The following LMO1 variants were observed in gnomAD, a reference collection of about 807,000 sequenced individuals.
LMO1 encodes LIM domain only 1, also known as rhombotin-1.
LMO1 carries 10 observed loss-of-function variants against 18.0 expected under a neutral mutation model. That is an observed-to-expected ratio of 0.55 (90% CI 0.34 to 0.94). The LOEUF is 0.94. Ranked by LOEUF, LMO1 falls within the 40% of genes least tolerant of loss-of-function variation. The pLI is 0.02. For missense variants in LMO1, 183 were observed against 205.7 expected, an observed-to-expected ratio of 0.89 and a Z score of 0.68; for synonymous variants, 77 against 77.9, an observed-to-expected ratio of 0.99 and a Z score of 0.06.
At chr11:8,237,160 G>A (rs570310144) in intron 1 of LMO1, among the ~76,000 whole-genome samples, 3 of 150,890 alleles carry the variant, frequency 2.0e-5, no homozygotes, top group Non-Finnish European at 4.4e-5. Flanking sequence ...CTGGAGGTGG[G>A]GAGACTCACT....
intron 1 of LMO1, among the ~76,000 whole-genome samples, chr11:8,244,784 G>C (rs977640718): frequency 1.3e-5 from 2 of 152,190 alleles, no homozygotes; most frequent in African/African-American, 2.4e-5. Context: ...GATCTCTTGA[G>C]AACCCTGGAA....
chr11:8,260,051 G>A (rs1434178566), intron 1 of LMO1, among the ~76,000 whole-genome samples: 2 of 152,078 alleles, frequency 1.3e-5, no homozygotes, highest in Non-Finnish European at 2.9e-5. Flanking sequence ...TCTCCTGTGT[G>A]CACCTGAGAG....
intron 1 of LMO1, among the ~76,000 whole-genome samples, chr11:8,249,199 T>A (rs771049828): frequency 1.3e-5 from 2 of 152,106 alleles, no homozygotes; most frequent in Non-Finnish European, 2.9e-5. Flanking sequence ...AACTGCCTCC[T>A]CTGACCAACC....
At chr11:8,246,956 AC>A (rs1201648809) in intron 1 of LMO1, among the ~76,000 whole-genome samples, 1 of 151,718 alleles carries the variant, frequency 6.6e-6, no homozygotes, top group Non-Finnish European at 1.5e-5. Flanking sequence ...CCTTCCCCAG[AC>A]CCCCACATCC....
intron 1 of LMO1, among the ~76,000 whole-genome samples, chr11:8,249,743 G>A (rs960198303): frequency 6.6e-6 from 1 of 152,148 alleles, no homozygotes; most frequent in Non-Finnish European, 1.5e-5. Context: ...AATGGCCTCT[G>A]CAGTCTTGAA....
At chr11:8,247,507 C>T (rs1040304845) in intron 1 of LMO1, among the ~76,000 whole-genome samples, 8 of 152,214 alleles carry the variant, frequency 5.3e-5, no homozygotes, top group African/African-American at 1.7e-4. Context: ...TGGGGCCACA[C>T]TGGGGCAGGG....
At chr11:8,224,772 A>T in intron 3 of LMO1, 51 bp from the exon 4 acceptor site, 1 of 1,240,860 alleles carries the variant, frequency 8.1e-7, no homozygotes, top group Non-Finnish European at 1.2e-6. Flanking sequence ...CCAGTGGGTA[A>T]GGGGGGGGCT....
At chr11:8,251,871 G>A (rs1355701570) in intron 1 of LMO1, among the ~76,000 whole-genome samples, 1 of 8,456 alleles carries the variant, frequency 1.2e-4, no homozygotes, top group East Asian at 3.6e-3. Flanking sequence ...GAATGTGTGT[G>A]AGTGTGTGTG....
intron 1 of LMO1, among the ~76,000 whole-genome samples, chr11:8,259,787 T>C (rs1847155813): frequency 1.3e-5 from 2 of 152,314 alleles, no homozygotes; most frequent in Middle Eastern, 3.4e-3. Flanking sequence ...TACCCAAGCA[T>C]AGCCATGCGC....
chr11:8,242,069 C>G (rs553690740), intron 1 of LMO1, among the ~76,000 whole-genome samples: 2 of 152,296 alleles, frequency 1.3e-5, no homozygotes, highest in African/African-American at 4.8e-5. Context: ...GTTGCTGCCC[C>G]TGTGCCACAC....
chr11:8,246,939 C>A (rs1846905118), intron 1 of LMO1, among the ~76,000 whole-genome samples: 1 of 152,174 alleles, frequency 6.6e-6, no homozygotes, highest in Non-Finnish European at 1.5e-5. Flanking sequence ...AGAGCACCCC[C>A]TTACCTCCTT....
chr11:8,260,738 G>A (rs950451666), intron 1 of LMO1, among the ~76,000 whole-genome samples: 16 of 152,090 alleles, frequency 1.1e-4, no homozygotes, highest in African/African-American at 3.4e-4. Flanking sequence ...TGGCAGACCC[G>A]ACTTCAACCA....
intron 1 of LMO1, among the ~76,000 whole-genome samples, chr11:8,260,991 T>C (rs1847177351): frequency 6.6e-6 from 1 of 152,110 alleles, no homozygotes; most frequent in Non-Finnish European, 1.5e-5. Context: ...GATGAGTGCA[T>C]CCAGAACCTT....
At chr11:8,230,593 C>T (rs1952641134) in intron 1 of LMO1, 89 bp from the exon 2 acceptor site, 8 of 1,317,314 alleles carry the variant, frequency 6.1e-6, no homozygotes, top group Non-Finnish European at 8.5e-6. Context: ...GAGCTCACTG[C>T]TTCTCTCTGC....
chr11:8,247,142 C>G (rs1846908763), intron 1 of LMO1, among the ~76,000 whole-genome samples: 1 of 152,252 alleles, frequency 6.6e-6, no homozygotes, highest in South Asian at 2.1e-4. Flanking sequence ...TACCTGCAAA[C>G]TGAGCATGCC....
intron 1 of LMO1, among the ~76,000 whole-genome samples, chr11:8,235,828 G>A (rs138270434): frequency 2.6e-4 from 40 of 152,282 alleles, no homozygotes; most frequent in African/African-American, 9.6e-4. Flanking sequence ...GAGAAAGAAC[G>A]GAGTTAATTT....
chr11:8,234,515 C>T (rs552694410), intron 1 of LMO1, among the ~76,000 whole-genome samples: 137 of 152,306 alleles, frequency 9.0e-4, no homozygotes, highest in South Asian at 2.3e-3. Flanking sequence ...CCAGTACTAC[C>T]AGTGCCCCTG....
chr11:8,250,531 G>C (rs1480282458), intron 1 of LMO1, among the ~76,000 whole-genome samples: 1 of 152,252 alleles, frequency 6.6e-6, no homozygotes, highest in Non-Finnish European at 1.5e-5. Flanking sequence ...CTCTGCATTT[G>C]GGTGGAGTAC....
rs1438271857 is a variant in LMO1, at chr11:8,224,538, A to C, written c.*78T>G. On this transcript the variant is annotated 3_prime_UTR_variant, in exon 4 of 4. Transcript: ENST00000335790. ...GAGCGGCTGGCCAGCCTGCACTGGT[A>C]GAGTGGCTGGCTGGCCGGCCAGGCA... is the stretch of plus-strand genomic sequence containing the variant. The C allele has an allele frequency of 4.9e-6, 4 of 813,864 alleles. No homozygotes were observed. Among genetic ancestry groups the C allele is most frequent in the African/African-American group, 1.7e-5 (1 of 58,936 alleles). 50.4% of individuals were successfully genotyped at this position (813,864 alleles called of 1,614,324 possible).
Sources: allele counts gnomAD v4.1 joint callset (sites outside exome capture counted in the v4.1 genomes callset), GRCh38; gene constraint gnomAD v4.1.1; transcripts MANE v1.5; gene names NCBI Gene and HGNC (gene_info 2026-07-23, HGNC 2026-07-21).